Variants in CHCHD6 observed in about 807,000 individuals in gnomAD.
CHCHD6 encodes coiled-coil-helix-coiled-coil-helix domain containing 6.
In CHCHD6, 28 loss-of-function variants were observed where a neutral mutation model predicts 32.3. The ratio of observed to expected loss-of-function variants is 0.87; its 90% confidence interval spans 0.64 to 1.19. The LOEUF is 1.19. Among genes scored for constraint, CHCHD6 ranks in the 50% most tolerant of loss-of-function variants. The probability of loss-of-function intolerance (pLI) is 0.00; values close to 1 mark genes in which losing one functional copy is unlikely to be tolerated. For synonymous variants in CHCHD6, 122 were observed against 117.5 expected (o/e 1.04, Z -0.25); for missense variants, 333 against 307.0 (o/e 1.08, Z -0.63).
chr3:126,784,949 G>A (rs1381192147), intron 4 of CHCHD6, among the ~76,000 whole-genome samples: 4 of 152,020 alleles, frequency 2.6e-5, no homozygotes, highest in Admixed American at 1.3e-4. Flanking sequence ...AGTACTTTAT[G>A]TATTTATTTT....
At chr3:126,884,528 T>A (rs1331336136) in intron 5 of CHCHD6, among the ~76,000 whole-genome samples, 1 of 152,092 alleles carries the variant, frequency 6.6e-6, no homozygotes, top group Admixed American at 6.5e-5. Context: ...ATGAAAAAAA[T>A]TCATCTGTGT....
Position 126,823,144 on chromosome 3 carries a change from T to C in CHCHD6, c.412-29503T>C, listed in dbSNP as rs544333999. ...GTTGCCCAGGCTGGTCTCAGACTCC[T>C]GGGCTCAAGTAATCCTCCCACCTCG... On this transcript the variant is annotated intron_variant, in intron 4 of 7. Transcript: ENST00000290913. Among the ~76,000 whole-genome samples the C allele has an allele frequency of 1.2e-4, 19 of 152,278 alleles. No homozygotes were observed. In the East Asian group the frequency reaches 3.7e-3, roughly 29 times the overall value.
chr3:126,817,859 C>G (rs1306110840), intron 4 of CHCHD6, among the ~76,000 whole-genome samples: 2 of 152,130 alleles, frequency 1.3e-5, no homozygotes, highest in African/African-American at 4.8e-5. Context: ...CTTCTTCTTC[C>G]CCATTTTCTA....
At chr3:126,863,457 T>C (rs1266585365) in intron 5 of CHCHD6, among the ~76,000 whole-genome samples, 110 of 30,426 alleles carry the variant, frequency 3.6e-3, no homozygotes, top group African/African-American at 8.5e-3. Flanking sequence ...CCTCCCCCAC[T>C]GTCACCACCT....
chr3:126,839,084 C>T (rs1940971519), intron 4 of CHCHD6, among the ~76,000 whole-genome samples: 1 of 151,820 alleles, frequency 6.6e-6, no homozygotes, highest in Non-Finnish European at 1.5e-5. Flanking sequence ...GAGATAAGGT[C>T]TCACTACATT....
intron 6 of CHCHD6, among the ~76,000 whole-genome samples, chr3:126,926,370 G>A (rs1042336785): frequency 6.6e-6 from 1 of 152,226 alleles, no homozygotes; most frequent in Non-Finnish European, 1.5e-5. Context: ...CCAAATGGAG[G>A]AAGAAATACC....
intron 4 of CHCHD6, among the ~76,000 whole-genome samples, chr3:126,754,008 G>A (rs562642130): frequency 1.4e-4 from 21 of 152,292 alleles, no homozygotes; most frequent in African/African-American, 5.1e-4. Context: ...TTATTCACAT[G>A]CTTCCTTAGA....
intron 6 of CHCHD6, among the ~76,000 whole-genome samples, chr3:126,947,505 A>G (rs1056472328): frequency 6.6e-6 from 1 of 152,160 alleles, no homozygotes; most frequent in Non-Finnish European, 1.5e-5. Context: ...AGAGAGCAAG[A>G]GCTATGGAGC....
At chr3:126,940,139 A>C (rs1432288213) in intron 6 of CHCHD6, among the ~76,000 whole-genome samples, 1 of 152,256 alleles carries the variant, frequency 6.6e-6, no homozygotes, top group Non-Finnish European at 1.5e-5. Context: ...TCTGATTTAT[A>C]AAAATGATAC....
At chr3:126,760,476 C>T (rs530777380) in intron 4 of CHCHD6, among the ~76,000 whole-genome samples, 6 of 152,170 alleles carry the variant, frequency 3.9e-5, no homozygotes, top group Non-Finnish European at 8.8e-5. Context: ...TGAAACTGTA[C>T]CCATCAAACA....
chr3:126,776,674 T>C (rs1937663409), intron 4 of CHCHD6, among the ~76,000 whole-genome samples: 1 of 152,228 alleles, frequency 6.6e-6, no homozygotes, highest in South Asian at 2.1e-4. Flanking sequence ...CATTTAATTC[T>C]CATATCAACT....
rs149987016 is a variant in CHCHD6, at chr3:126,714,345, G to A, written c.87+9946G>A. ...CTGTCCGACTCCTGTGGGCATTTGT[G>A]TGTGCCATGCTTGGTGTAGGAGGTC... On this transcript the variant is annotated intron_variant, in intron 1 of 7. Coordinates refer to ENST00000290913, the MANE Select transcript of CHCHD6 (RefSeq NM_032343.3). Among the ~76,000 whole-genome samples, 1,060 of 152,238 alleles carry A rather than the reference G, an allele frequency of 7.0e-3. 13 individuals carry two copies. The highest frequency in any genetic ancestry group is 0.024 in the African/African-American group (1,017 of 41,520).
intron 5 of CHCHD6, among the ~76,000 whole-genome samples, chr3:126,898,406 A>C (rs370829758): frequency 2.6e-5 from 4 of 152,222 alleles, no homozygotes; most frequent in African/African-American, 9.6e-5. Flanking sequence ...CAGCTGGGGC[A>C]CCGAGGAGAC....
At chr3:126,928,364 A>G (rs1245964481) in intron 6 of CHCHD6, among the ~76,000 whole-genome samples, 1 of 152,242 alleles carries the variant, frequency 6.6e-6, no homozygotes, top group Non-Finnish European at 1.5e-5. Flanking sequence ...AAGAAAGTTC[A>G]CATTCAGGGC....
chr3:126,887,155 A>T (rs2077689909), intron 5 of CHCHD6, among the ~76,000 whole-genome samples: 1 of 152,134 alleles, frequency 6.6e-6, no homozygotes, highest in Non-Finnish European at 1.5e-5. Context: ...ATGGAAAGCC[A>T]TCACCTGATA....
At chr3:126,807,866 G>T (rs1939478070) in intron 4 of CHCHD6, among the ~76,000 whole-genome samples, 1 of 152,202 alleles carries the variant, frequency 6.6e-6, no homozygotes. Flanking sequence ...CGGGCCACAT[G>T]GTCTCTATTG....
chr3:126,804,276 TG>T (rs1410135473), intron 4 of CHCHD6, among the ~76,000 whole-genome samples: 1 of 152,070 alleles, frequency 6.6e-6, no homozygotes, highest in Non-Finnish European at 1.5e-5. Context: ...ATCCAGGAGC[TG>T]GTTTTTTGAA....
At position 126,789,253 on chromosome 3, in the gene CHCHD6, A is replaced by G. The variant is rs573458325; in HGVS notation, c.411+56031A>G. Among the ~76,000 whole-genome samples, 4 of 152,248 alleles carry G rather than the reference A, an allele frequency of 2.6e-5. No homozygotes were observed. The East Asian group carries it at 7.7e-4, about 29-fold the overall frequency. On this transcript the variant is annotated intron_variant, in intron 4 of 7. Coordinates refer to ENST00000290913, the MANE Select transcript of CHCHD6 (RefSeq NM_032343.3). ...TGCTTTACTTCCAACTATGTGGTCA[A>G]TTTTGGAATAAGTGCGGTGTGGTGC...
chr3:126,865,698 T>C, intron 5 of CHCHD6: 1 of 985,328 alleles, frequency 1.0e-6, no homozygotes, highest in Non-Finnish European at 1.2e-6. Flanking sequence ...TACCACCACA[T>C]ATTACCCTCT....
Sources: gnomAD v4.1 joint callset for allele counts (sites outside exome capture counted in the v4.1 genomes callset) on GRCh38, gnomAD v4.1.1 for gene constraint, MANE v1.5 for transcripts, NCBI Gene and HGNC (gene_info 2026-07-23, HGNC 2026-07-21) for gene names.